The following CREBL2 variants were observed in gnomAD, a reference collection of about 807,000 sequenced individuals.
The protein encoded by CREBL2 is cAMP responsive element binding protein like 2.
A neutral mutation model predicts 19.5 loss-of-function variants in CREBL2; 4 were observed. That is an observed-to-expected ratio of 0.20 (90% CI 0.10 to 0.47). The LOEUF (loss-of-function observed/expected upper bound fraction) is 0.47, where lower values mean the gene tolerates loss of function less well. CREBL2 is among the 20% of genes least tolerant of loss of function. The pLI is 0.98. For missense variants in CREBL2, 85 were observed against 145.1 expected (o/e 0.59, Z 2.13); for synonymous variants, 42 against 46.6 (o/e 0.90, Z 0.40).
intron 1 of CREBL2, among the ~76,000 whole-genome samples, chr12:12,622,573 C>T (rs1403290715): frequency 6.6e-6 from 1 of 152,188 alleles, no homozygotes; most frequent in Non-Finnish European, 1.5e-5. Flanking sequence ...CAGAAGTTAA[C>T]TCTCAGGCTA....
intron 1 of CREBL2, chr12:12,632,637 T>C (rs1293229743): frequency 1.3e-5 from 2 of 152,252 alleles, no homozygotes; most frequent in East Asian, 3.9e-4. Context: ...TTTTACTACA[T>C]GAAGAATAGA....
At chr12:12,617,395 G>A (rs2136299092) in intron 1 of CREBL2, among the ~76,000 whole-genome samples, 1 of 152,056 alleles carries the variant, frequency 6.6e-6, no homozygotes, top group South Asian at 2.1e-4. Flanking sequence ...CTCCTACTAG[G>A]CTAGTTGGGA....
At chr12:12,615,610 G>A (rs1331272218) in intron 1 of CREBL2, 1 of 151,722 alleles carries the variant, frequency 6.6e-6, no homozygotes, top group Non-Finnish European at 1.5e-5. Flanking sequence ...CAATTCTCCT[G>A]TCTCAGCCTC....
chr12:12,619,625 A>C (rs561264786), intron 1 of CREBL2, among the ~76,000 whole-genome samples: 1 of 152,170 alleles, frequency 6.6e-6, no homozygotes, highest in African/African-American at 2.4e-5. Context: ...GAAAAAGGAA[A>C]GTTTCTTCTC....
In CREBL2 at chr12:12,641,964, A is replaced by T. The variant is rs964897529; in HGVS notation, c.359-30A>T. On this transcript the variant is annotated intron_variant, in intron 3 of 3. Transcript: ENST00000228865. ...ATCAAACTTTATTGACTCTAAAAAC[A>T]TTCTTACATTGGTAACTTTTATTTT... The T allele has an allele frequency of 4.6e-6, 7 of 1,514,372 alleles. No homozygotes were observed. In the Admixed American group the frequency reaches 1.2e-4, roughly 27 times the overall value. 93.8% of individuals were successfully genotyped at this position (1,514,372 alleles called of 1,614,324 possible).
intron 1 of CREBL2, among the ~76,000 whole-genome samples, chr12:12,617,430 T>G (rs1368901042): frequency 1.3e-5 from 2 of 152,112 alleles, no homozygotes; most frequent in Non-Finnish European, 2.9e-5. Context: ...GCTAATTTAT[T>G]TAACTTTTTT....
At chr12:12,641,244 A>ATTTTTTTTTTTTT (rs1566116871) in intron 3 of CREBL2, among the ~76,000 whole-genome samples, 3 of 15,584 alleles carry the variant, frequency 1.9e-4, no homozygotes, top group African/African-American at 3.3e-4. Context: ...TATTATTATT[A>ATTTTTTTTTTTTT]TTATTATTAT....
intron 1 of CREBL2, among the ~76,000 whole-genome samples, chr12:12,619,576 A>G (rs1303830542): frequency 2.0e-5 from 3 of 151,800 alleles, no homozygotes; most frequent in African/African-American, 7.3e-5. Context: ...ACGCCACTGC[A>G]CTCCAGCCTG....
intron 1 of CREBL2, among the ~76,000 whole-genome samples, chr12:12,618,016 CAGA>C (rs1463563561): frequency 6.6e-6 from 1 of 152,122 alleles, no homozygotes; most frequent in East Asian, 1.9e-4. Flanking sequence ...CATCCCAAGG[CAGA>C]AGAATTCTTC....
intron 1 of CREBL2, among the ~76,000 whole-genome samples, chr12:12,624,422 G>A (rs1945384507): frequency 6.6e-6 from 1 of 152,144 alleles, no homozygotes; most frequent in Non-Finnish European, 1.5e-5. Context: ...CTGGTATTAG[G>A]GAGTCAGTGA....
chr12:12,641,636 T>C (rs1945523012), intron 3 of CREBL2, among the ~76,000 whole-genome samples: 1 of 152,136 alleles, frequency 6.6e-6, no homozygotes, highest in African/African-American at 2.4e-5. Flanking sequence ...TTTTCAGTAT[T>C]TTTTACAAAA....
rs1945547874 is a variant in CREBL2, at chr12:12,644,264, G to T, written c.*2266G>T. On this transcript the variant is annotated 3_prime_UTR_variant, in exon 4 of 4. Coordinates refer to ENST00000228865, the MANE Select transcript of CREBL2 (RefSeq NM_001310.4). ...GTTGATTGCCTCGGCTATTGTGCTG[G>T]CTGGACACTTTGGTCACTTTTGAAG... is the stretch of plus-strand genomic sequence containing the variant. 6.6e-6 allele frequency: 1 copy of T among 152,164 alleles called. No homozygotes were observed. The highest frequency in any genetic ancestry group is 2.4e-5 in the African/African-American group (1 of 41,436). The allele number at this position is 152,164 out of a possible 1,614,324, so 9.4% of individuals were successfully genotyped here. A position where few individuals can be genotyped will look rare whatever the true frequency, so the allele number is the denominator to read the frequency against.
chr12:12,633,634 T>G (rs1424599203), intron 1 of CREBL2, among the ~76,000 whole-genome samples: 1 of 149,564 alleles, frequency 6.7e-6, no homozygotes, highest in East Asian at 2.0e-4. Flanking sequence ...ACAAAAATGC[T>G]AGATACAATG....
intron 1 of CREBL2, among the ~76,000 whole-genome samples, chr12:12,620,134 A>C (rs1235876850): frequency 6.6e-6 from 1 of 151,926 alleles, no homozygotes; most frequent in Admixed American, 6.6e-5. Flanking sequence ...CTGTCCTCTT[A>C]CTCACATCAA....
At chr12:12,634,226 T>C (rs79478456) in intron 1 of CREBL2, among the ~76,000 whole-genome samples, 6,243 of 152,354 alleles carry the variant, frequency 0.041, 246 homozygotes, top group Admixed American at 0.14. Context: ...ATGTGTAAGT[T>C]CAGGTTCAAG....
At chr12:12,612,484 C>G (rs1945275169) in intron 1 of CREBL2, among the ~76,000 whole-genome samples, 1 of 152,158 alleles carries the variant, frequency 6.6e-6, no homozygotes, top group Non-Finnish European at 1.5e-5. Flanking sequence ...AACTACTGTA[C>G]TTTTTCTTCT....
At chr12:12,637,821 G>C in intron 3 of CREBL2, 107 bp downstream of exon 3, 1 of 1,235,088 alleles carries the variant, frequency 8.1e-7, no homozygotes, top group Non-Finnish European at 1.1e-6. Flanking sequence ...TGGGCAGATC[G>C]CTTGAGCCCA....
chr12:12,614,395 C>T (rs966873125), intron 1 of CREBL2: 1 of 153,564 alleles, frequency 6.5e-6, no homozygotes, highest in African/African-American at 2.4e-5. Context: ...GTTCTAGTAG[C>T]TCAGGCTGTT....
intron 3 of CREBL2, among the ~76,000 whole-genome samples, chr12:12,641,244 A>ATTTTTTT (rs1566116871): frequency 5.1e-4 from 8 of 15,582 alleles, no homozygotes; most frequent in African/African-American, 8.9e-4. Flanking sequence ...TATTATTATT[A>ATTTTTTT]TTATTATTAT....
Sources: gnomAD v4.1 joint callset for allele counts (sites outside exome capture counted in the v4.1 genomes callset) on GRCh38, gnomAD v4.1.1 for gene constraint, MANE v1.5 for transcripts, NCBI Gene and HGNC (gene_info 2026-07-23, HGNC 2026-07-21) for gene names.